Variants in TSNARE1 observed in about 807,000 individuals in gnomAD.
TSNARE1 encodes the protein t-SNARE domain containing 1, also known as t-SNARE domain-containing protein 1.
In TSNARE1, 49 loss-of-function variants were observed where a neutral mutation model predicts 62.0. The ratio of observed to expected loss-of-function variants is 0.79; its 90% CI spans 0.63 to 1.00. TSNARE1 has a LOEUF of 1.00. TSNARE1 is among the 50% of genes least tolerant of loss of function. TSNARE1 has a pLI of 0.00. For missense variants in TSNARE1, 755 were observed against 700.1 expected (o/e 1.08, Z -0.88); for synonymous variants, 328 against 294.4 (o/e 1.11, Z -1.17).
chr8:142,261,748 G>C (rs1214685494), intron 12 of TSNARE1, among the ~76,000 whole-genome samples: 1 of 152,152 alleles, frequency 6.6e-6, no homozygotes, highest in African/African-American at 2.4e-5. Context: ...CTCCGACAAG[G>C]CAGCTCACGG....
rs1417890354 is a variant in TSNARE1 at position 142,272,637 on chromosome 8, C to T, written c.1446+2144G>A. 18 of 364,508 alleles carry T rather than the reference C, an allele frequency of 4.9e-5. 5 individuals carry two copies. In the South Asian group the frequency reaches 2.0e-3, roughly 41 times the overall value. 22.6% of individuals were successfully genotyped at this position (364,508 alleles called of 1,614,324 possible). On this transcript the variant is annotated intron_variant, in intron 12 of 13. Coordinates refer to ENST00000524325, the MANE Select transcript of TSNARE1 (RefSeq NM_145003.5). ...ACCTTCCTCCTTCCATCCATCCACC[C>T]GCCCATCTAGAGGCCCCTCGCAAGC...
chr8:142,231,205 A>G (rs1364624829), intron 12 of TSNARE1, among the ~76,000 whole-genome samples: 1 of 152,336 alleles, frequency 6.6e-6, no homozygotes, highest in African/African-American at 2.4e-5. Context: ...AAAATGACCA[A>G]TTGCTGAAAC....
At chr8:142,226,515 A>G in intron 13 of TSNARE1, among the ~76,000 whole-genome samples, 1 of 152,090 alleles carries the variant, frequency 6.6e-6, no homozygotes, top group Admixed American at 6.5e-5. Context: ...GAGGACTCAG[A>G]GCTGGGAGGG....
At chr8:142,402,231 C>G (rs1170807109) in intron 1 of TSNARE1, among the ~76,000 whole-genome samples, 1 of 151,682 alleles carries the variant, frequency 6.6e-6, no homozygotes, top group Non-Finnish European at 1.5e-5. Flanking sequence ...GAGCAGCACG[C>G]GCGAGGCCCA....
chr8:142,226,981 A>C (rs28517815), intron 13 of TSNARE1, among the ~76,000 whole-genome samples: 18,743 of 42,966 alleles, frequency 0.44, 3,210 homozygotes, highest in Middle Eastern at 0.49. Flanking sequence ...CAGTGACAGC[A>C]AGGCCCCCCA....
Position 142,316,852 on chromosome 8 carries a change from T to C in TSNARE1, c.984+1692A>G, listed in dbSNP as rs1828594947. Among the ~76,000 whole-genome samples the C allele has an allele frequency of 3.9e-5, 6 of 152,040 alleles. 1 individual carries two copies. The Middle Eastern group carries it at 0.01, about 260-fold the overall frequency. ...CTGCTGACCACACCCAACACGGCAC[T>C]GGCCACGTCACATGTATTTTCCACA... On this transcript the variant is annotated intron_variant, in intron 7 of 13. Coordinates refer to ENST00000524325, the MANE Select transcript of TSNARE1 (RefSeq NM_145003.5).
chr8:142,271,472 AAGG>A, intron 12 of TSNARE1: 1 of 1,272,762 alleles, frequency 7.9e-7, no homozygotes, highest in Non-Finnish European at 9.9e-7. Flanking sequence ...CCTGGAGGGC[AAGG>A]GAGGTGCTGG....
intron 12 of TSNARE1, among the ~76,000 whole-genome samples, chr8:142,269,086 T>C (rs141112634): frequency 1.3e-5 from 2 of 152,358 alleles, no homozygotes; most frequent in East Asian, 3.9e-4. Flanking sequence ...TTGCCTTGGT[T>C]GTTTCTGTAT....
Position 142,303,784 on chromosome 8 carries a change from G to A in TSNARE1, c.1132-3140C>T, listed in dbSNP as rs181231037. Among the ~76,000 whole-genome samples the A allele has an allele frequency of 2.2e-4, 34 of 152,372 alleles. No homozygotes were observed. In the East Asian group the frequency reaches 4.6e-3, roughly 21 times the overall value. On this transcript the variant is annotated intron_variant, in intron 9 of 13. Transcript: ENST00000524325. ...ACCTCACTAGTCCCCACAGTCTGCC[G>A]AGACGGCTGGTGACAACAGGACCAA...
upstream of TSNARE1, chr8:142,403,796 C>T (rs1447895429): frequency 6.6e-6 from 1 of 152,210 alleles, no homozygotes; most frequent in Non-Finnish European, 1.5e-5. Context: ...GAGTAGGGAG[C>T]CCCTTGCGGA....
At chr8:142,263,939 C>T (rs962885306) in intron 12 of TSNARE1, among the ~76,000 whole-genome samples, 2 of 152,316 alleles carry the variant, frequency 1.3e-5, no homozygotes, top group South Asian at 2.1e-4. Flanking sequence ...GTTAACTCTG[C>T]TCCTGTCTTT....
intron 10 of TSNARE1, among the ~76,000 whole-genome samples, chr8:142,288,219 C>A (rs996382824): frequency 8.5e-5 from 13 of 152,196 alleles, no homozygotes; most frequent in Admixed American, 7.9e-4. Flanking sequence ...GCGGCTGGGG[C>A]GGGGTGGAAG....
chr8:142,382,348 A>G (rs549024080), intron 1 of TSNARE1, among the ~76,000 whole-genome samples: 50 of 152,324 alleles, frequency 3.3e-4, no homozygotes, highest in African/African-American at 1.2e-3. Context: ...ATGGGCGGTC[A>G]GAACACCAGC....
rs1820801786 is a variant in TSNARE1, at chr8:142,278,152, TGCCCAGGCCCATCGCCCAAGGCCCACA to T, written c.1364-3316_1364-3290del. The T allele has an allele frequency of 3.0e-6, 3 of 985,018 alleles. No individual in the cohort carries two copies. The Admixed American group carries it at 1.8e-4, about 61-fold the overall frequency. 61.0% of individuals were successfully genotyped at this position (985,018 alleles called of 1,614,324 possible). A position where few individuals can be genotyped will look rare whatever the true frequency, so the allele number is the denominator to read the frequency against. The stretch of plus-strand genomic sequence containing the variant: ...CCCCAAGCCCCACCACAAGGCCTAG[TGCCCAGGCCCATCGCCCAAGGCCCACA>T]GCCCAGGCCCCTTGTCCAAGCCCAG... On this transcript the variant is annotated intron_variant, in intron 11 of 13. Transcript: ENST00000524325.
intron 4 of TSNARE1, among the ~76,000 whole-genome samples, chr8:142,336,854 A>C (rs1345605911): frequency 6.6e-6 from 1 of 150,476 alleles, no homozygotes; most frequent in Admixed American, 6.6e-5. Flanking sequence ...TCAGTAACAG[A>C]AAGTTATCTG....
intron 12 of TSNARE1, among the ~76,000 whole-genome samples, chr8:142,268,954 C>T (rs955323183): frequency 1.3e-5 from 2 of 152,254 alleles, no homozygotes; most frequent in African/African-American, 4.8e-5. Flanking sequence ...CTGTTTCCTA[C>T]CAAATGCAGT....
intron 6 of TSNARE1, among the ~76,000 whole-genome samples, chr8:142,321,477 T>G (rs1829474104): frequency 6.6e-6 from 1 of 151,838 alleles, no homozygotes. Flanking sequence ...ATAATAAAGG[T>G]AAGTTCAATA....
intron 12 of TSNARE1, among the ~76,000 whole-genome samples, chr8:142,267,072 A>G (rs917512746): frequency 6.6e-6 from 1 of 152,240 alleles, no homozygotes; most frequent in Non-Finnish European, 1.5e-5. Flanking sequence ...TATTTTTAAA[A>G]ATATTTCACA....
At position 142,319,865 on chromosome 8, in the gene TSNARE1, A is replaced by G. The variant is rs549137348; in HGVS notation, c.894-1231T>C. Among the ~76,000 whole-genome samples the G allele has an allele frequency of 1.3e-5, 2 of 152,294 alleles. No homozygotes were observed. The highest frequency in any genetic ancestry group is 4.1e-4 in the South Asian group (2 of 4,830). On this transcript the variant is annotated intron_variant, in intron 6 of 13. Coordinates refer to ENST00000524325, the MANE Select transcript of TSNARE1 (RefSeq NM_145003.5). This position sits in a 1 kb window ranked among gnomAD's most constrained non-coding sequence, Gnocchi z 4.9. ...GGGCAAGGAGCCATAAGGTTACTAC[A>G]GACTAGGCGGGAAGCGCGGGGACAG...
Sources: allele counts gnomAD v4.1 joint callset (sites outside exome capture counted in the v4.1 genomes callset), GRCh38; gene constraint gnomAD v4.1.1; non-coding constraint Gnocchi (gnomAD v3.1); transcripts MANE v1.5; gene names NCBI Gene and HGNC (gene_info 2026-07-23, HGNC 2026-07-21).